Variants in TEAD1 observed in about 807,000 individuals in gnomAD.
TEAD1 encodes the protein transcriptional enhancer factor TEF-1.
TEAD1 carries 9 observed loss-of-function variants against 54.9 expected under a neutral mutation model. The observed-to-expected ratio is 0.16, with a 90% CI of 0.10 to 0.29. The LOEUF (loss-of-function observed/expected upper bound fraction) is 0.29, where lower values mean the gene tolerates loss of function less well. TEAD1 is among the 10% of genes least tolerant of loss of function. TEAD1 has a pLI of 1.00. For synonymous variants in TEAD1, 200 were observed against 187.8 expected, an observed-to-expected ratio of 1.07 and a Z score of -0.53; for missense variants, 387 against 535.9, an observed-to-expected ratio of 0.72 and a Z score of 2.74.
intron 3 of TEAD1, among the ~76,000 whole-genome samples, chr11:12,803,220 A>G (rs1946100260): frequency 6.6e-6 from 1 of 151,292 alleles, no homozygotes; most frequent in African/African-American, 2.4e-5. Context: ...CCCTGTTTAT[A>G]GTACATTTCC....
chr11:12,912,904 C>T (rs1948642869), intron 10 of TEAD1, among the ~76,000 whole-genome samples: 2 of 152,126 alleles, frequency 1.3e-5, no homozygotes, highest in Admixed American at 1.3e-4. Flanking sequence ...TAAGAAAGCC[C>T]AGGTCAGGGG....
Position 12,930,175 on chromosome 11 carries a change from C to G in TEAD1, c.1016C>G (p.Thr339Arg). Residue 339 changes from threonine to arginine, a missense_variant and splice_region_variant, in exon 12 of 13, where the codon ACG becomes AGG. Physicochemically the swap from Thr to Arg is moderately conservative, Grantham distance 71. This residue lies in a region of TEAD1 where 123 missense variants were observed against 199.0 expected (regional missense o/e 0.62). Coordinates refer to ENST00000527636, the MANE Select transcript of TEAD1 (RefSeq NM_021961.6). Reference sequence around the variant, plus strand: ...ACTGAAATCCTTTTTTCCTCACAGACGGAGTATGCAAGGTTTGAGAATGGC... The same window carrying G: ...ACTGAAATCCTTTTTTCCTCACAGAGGGAGTATGCAAGGTTTGAGAATGGC... The G allele has an allele frequency of 6.2e-7, 1 of 1,614,090 alleles. No homozygotes were observed. The highest frequency in any genetic ancestry group is 8.5e-7 in the Non-Finnish European group (1 of 1,180,004).
In TEAD1 at chr11:12,941,980, G is replaced by T. The variant is rs1949166323; in HGVS notation, c.*4758G>T. ...ATTGGAAACAAAACAAGCAAAAATTGTCTTCATTTTTGTTTTGTAAGCCCA... is the reference window on the plus strand; with the variant it reads ...ATTGGAAACAAAACAAGCAAAAATTTTCTTCATTTTTGTTTTGTAAGCCCA... On this transcript the variant is annotated 3_prime_UTR_variant, in exon 13 of 13. Transcript: ENST00000527636. 1.3e-5 allele frequency: 2 copies of T among 152,634 alleles called. No individual in the cohort carries two copies. Among genetic ancestry groups the T allele is most frequent in the South Asian group, 2.1e-4 (1 of 4,828 alleles). 9.5% of individuals were successfully genotyped at this position (152,634 alleles called of 1,614,324 possible).
chr11:12,834,620 G>T (rs901395669), intron 3 of TEAD1, among the ~76,000 whole-genome samples: 2 of 152,114 alleles, frequency 1.3e-5, no homozygotes, highest in Admixed American at 6.5e-5. Context: ...TTTTTTGTTT[G>T]TTTGTTTGTG....
rs11022561 is a variant in TEAD1, at chr11:12,934,279, T to A, written c.1168-2830T>A. 6.6e-5 allele frequency among the ~76,000 whole-genome samples: 10 copies of A among 152,104 alleles called. No individual in the cohort carries two copies. In the East Asian group the frequency reaches 1.9e-3, roughly 29 times the overall value. The stretch of plus-strand genomic sequence containing the variant: ...GGAAACCATCATTCTCAGCAAACTA[T>A]TGCAAGGACAAAAAAACCAAACACC... On this transcript the variant is annotated intron_variant, in intron 12 of 12. Coordinates refer to ENST00000527636, the MANE Select transcript of TEAD1 (RefSeq NM_021961.6).
At chr11:12,877,058 A>T (rs1947866514) in intron 5 of TEAD1, among the ~76,000 whole-genome samples, 1 of 152,198 alleles carries the variant, frequency 6.6e-6, no homozygotes, top group Non-Finnish European at 1.5e-5. Context: ...ATCTTAAAAA[A>T]AAGGTTAGTT....
intron 5 of TEAD1, among the ~76,000 whole-genome samples, chr11:12,873,278 G>A (rs894037665): frequency 6.6e-6 from 1 of 152,214 alleles, no homozygotes; most frequent in Non-Finnish European, 1.5e-5. Context: ...GCTGAGGTCA[G>A]AAGGGTGCCT....
At chr11:12,876,240 C>T (rs549442039) in intron 5 of TEAD1, among the ~76,000 whole-genome samples, 121 of 152,286 alleles carry the variant, frequency 7.9e-4, no homozygotes, top group African/African-American at 2.9e-3. Context: ...GTGCTTTTCT[C>T]CTTTTCCACA....
intron 3 of TEAD1, among the ~76,000 whole-genome samples, chr11:12,830,844 A>G (rs900868000): frequency 2.0e-5 from 3 of 152,152 alleles, no homozygotes; most frequent in African/African-American, 7.2e-5. Context: ...TTTAAAGGGA[A>G]AAAACAAGCA....
intron 10 of TEAD1, among the ~76,000 whole-genome samples, chr11:12,915,021 A>G (rs73409271): frequency 0.01 from 1,559 of 152,358 alleles, 25 homozygotes; most frequent in African/African-American, 0.036. Context: ...GTCTCGTTGC[A>G]GCCATCAGTG....
chr11:12,887,714 C>T (rs1948118540), intron 9 of TEAD1, among the ~76,000 whole-genome samples: 1 of 152,126 alleles, frequency 6.6e-6, no homozygotes, highest in African/African-American at 2.4e-5. Context: ...TTTAATTTTG[C>T]TATAGTTTTG....
intron 3 of TEAD1, among the ~76,000 whole-genome samples, chr11:12,825,541 A>G (rs1946634802): frequency 6.6e-6 from 1 of 152,338 alleles, no homozygotes; most frequent in Non-Finnish European, 1.5e-5. Context: ...GAGTTATCCC[A>G]TGTTCATGGA....
At chr11:12,781,137 G>A (rs764535449) in intron 3 of TEAD1, among the ~76,000 whole-genome samples, 8 of 152,282 alleles carry the variant, frequency 5.3e-5, no homozygotes, top group Non-Finnish European at 1.0e-4. Context: ...TGAGACATGC[G>A]AAGAGTGAAG....
intron 3 of TEAD1, among the ~76,000 whole-genome samples, chr11:12,839,365 C>T (rs900737741): frequency 6.6e-6 from 1 of 152,108 alleles, no homozygotes; most frequent in African/African-American, 2.4e-5. Context: ...GAGTCAAGAG[C>T]GTGACACTGT....
chr11:12,792,826 CAA>C (rs368463693), intron 3 of TEAD1, among the ~76,000 whole-genome samples: 24 of 152,264 alleles, frequency 1.6e-4, no homozygotes, highest in African/African-American at 5.8e-4. Flanking sequence ...GCAGCTGAGA[CAA>C]GAGGATTGTT....
intron 3 of TEAD1, among the ~76,000 whole-genome samples, chr11:12,774,644 A>G (rs1590137252): frequency 6.6e-6 from 1 of 152,252 alleles, no homozygotes; most frequent in Non-Finnish European, 1.5e-5. Flanking sequence ...CCTTGTTGCC[A>G]TCACCAGTAG....
In TEAD1 at chr11:12,716,732, T is replaced by G. The variant is rs561481291; in HGVS notation, c.-55+41171T>G. Among the ~76,000 whole-genome samples, 187 of 152,360 alleles carry G rather than the reference T, an allele frequency of 1.2e-3. 1 individual carries two copies. The highest frequency in any genetic ancestry group is 8.8e-5 in the Non-Finnish European group (6 of 68,038). ...GGACACATGTGAACTCCATGTAGTTTATTATTCCTTTGTTTTTCAACCATT... is the reference window on the plus strand; with the variant it reads ...GGACACATGTGAACTCCATGTAGTTGATTATTCCTTTGTTTTTCAACCATT... On this transcript the variant is annotated intron_variant, in intron 2 of 12. Transcript: ENST00000527636.
chr11:12,864,277 C>T (rs1259188644), intron 4 of TEAD1, among the ~76,000 whole-genome samples: 1 of 152,112 alleles, frequency 6.6e-6, no homozygotes, highest in Non-Finnish European at 1.5e-5. Flanking sequence ...AGGGATTTTC[C>T]CTCCTGATAC....
intron 3 of TEAD1, among the ~76,000 whole-genome samples, chr11:12,807,037 G>C (rs1037797783): frequency 1.3e-5 from 2 of 152,136 alleles, no homozygotes; most frequent in Non-Finnish European, 2.9e-5. Flanking sequence ...ATTGCACTTT[G>C]TTTTATTTTA....
Sources: allele counts gnomAD v4.1 joint callset (sites outside exome capture counted in the v4.1 genomes callset), GRCh38; gene constraint gnomAD v4.1.1; regional missense constraint gnomAD v4.1.1; transcripts MANE v1.5; gene names NCBI Gene and HGNC (gene_info 2026-07-23, HGNC 2026-07-21).